CFAP97D1: variants seen among roughly 807,000 people sequenced by gnomAD.
CFAP97D1 encodes the protein sperm axonemal maintenance protein CFAP97D1.
CFAP97D1 carries 15 observed loss-of-function variants against 20.5 expected under a neutral mutation model. The observed-to-expected ratio is 0.73, with a 90% CI of 0.49 to 1.13. The LOEUF (loss-of-function observed/expected upper bound fraction) is 1.13, where lower values mean the gene tolerates loss of function less well. Among genes scored for constraint, CFAP97D1 ranks in the 50% most tolerant of loss-of-function variants. The pLI, the probability that CFAP97D1 is intolerant of heterozygous loss-of-function variation, is 0.00. For missense variants in CFAP97D1, 168 were observed against 202.9 expected (o/e 0.83, Z 1.04); for synonymous variants, 58 against 71.2 (o/e 0.82, Z 0.93).
Position 43,785,307 on chromosome 17 carries a change from T to C in CFAP97D1, c.*925T>C, listed in dbSNP as rs930794141. On this transcript the variant is annotated 3_prime_UTR_variant, in exon 6 of 6. Transcript: ENST00000449302. ...AGCAGTGTTACAGCTCCATGACTGC[T>C]CCTGCAGTACAGGGCTACCCCAAAG... 20 of 152,264 alleles carry C rather than the reference T, an allele frequency of 1.3e-4. No individual in the cohort carries two copies. The highest frequency in any genetic ancestry group is 4.6e-4 in the African/African-American group (19 of 41,468). The allele number at this position is 152,264 out of a possible 1,614,324, so 9.4% of individuals were successfully genotyped here.
In CFAP97D1 at chr17:43,787,226, C is replaced by T. The variant is rs1017260579; in HGVS notation, c.*2844C>T. On this transcript the variant is annotated 3_prime_UTR_variant, in exon 6 of 6. Transcript: ENST00000449302. Reference sequence around the variant, plus strand: ...AGGTGATCCACCTGCCTCGGCCTCCCAAAGTGCTGGGATTACAGACATGAG... The same window carrying T: ...AGGTGATCCACCTGCCTCGGCCTCCTAAAGTGCTGGGATTACAGACATGAG... 3.3e-5 allele frequency: 5 copies of T among 152,128 alleles called. No individual in the cohort carries two copies. Among genetic ancestry groups the T allele is most frequent in the African/African-American group, 1.2e-4 (5 of 41,406 alleles). 9.4% of individuals were successfully genotyped at this position (152,128 alleles called of 1,614,324 possible). A position where few individuals can be genotyped will look rare whatever the true frequency, so the allele number is the denominator to read the frequency against.
intron 3 of CFAP97D1, 78 bp downstream of exon 3, chr17:43,781,970 C>A: frequency 3.1e-6 from 3 of 970,668 alleles, no homozygotes; most frequent in Non-Finnish European, 3.2e-6. Context: ...GAGGTTTTCC[C>A]AAGTCAGAGA....
rs559190861 is a variant in CFAP97D1, at chr17:43,786,042, G to C, written c.*1660G>C. 2.6e-5 allele frequency: 4 copies of C among 152,296 alleles called. No homozygotes were observed. Among genetic ancestry groups the C allele is most frequent in the South Asian group, 2.1e-4 (1 of 4,828 alleles). The allele number at this position is 152,296 out of a possible 1,614,324, so 9.4% of individuals were successfully genotyped here. The stretch of plus-strand genomic sequence containing the variant: ...AGGCCAAAGGCTGAGAACCCACTAG[G>C]GGGGACAAGGGTGCTGGTGTGAGTC... On this transcript the variant is annotated 3_prime_UTR_variant, in exon 6 of 6. Coordinates refer to ENST00000449302, the MANE Select transcript of CFAP97D1 (RefSeq NM_001136483.3).
chr17:43,780,668 C>T, intron 1 of CFAP97D1, 82 bp downstream of exon 1: 2 of 1,465,906 alleles, frequency 1.4e-6, no homozygotes, highest in South Asian at 1.3e-5. Context: ...GAAACCAGAC[C>T]AGGTCACAGC....
intron 3 of CFAP97D1, chr17:43,782,964 G>C (rs1247375275): frequency 7.0e-6 from 4 of 570,128 alleles, no homozygotes; most frequent in South Asian, 4.2e-5. Flanking sequence ...TGGGCAACAG[G>C]GTTGAGGACC....
Position 43,784,750 on chromosome 17 carries a change from G to C in CFAP97D1, c.*368G>C, listed in dbSNP as rs535919927. 1 of 152,284 alleles carries C rather than the reference G, an allele frequency of 6.6e-6. No individual in the cohort carries two copies. Among genetic ancestry groups the C allele is most frequent in the South Asian group, 2.1e-4 (1 of 4,828 alleles). 9.4% of individuals were successfully genotyped at this position (152,284 alleles called of 1,614,324 possible). A position where few individuals can be genotyped will look rare whatever the true frequency, so the allele number is the denominator to read the frequency against. ...GTACAGCACTGTCAAAATGGAAAAC[G>C]AAATCACATGACAACATCAAGGTTC... On this transcript the variant is annotated 3_prime_UTR_variant, in exon 6 of 6. Transcript: ENST00000449302.
chr17:43,783,041 A>C (rs1258079377), intron 3 of CFAP97D1, 139 bp from the exon 4 acceptor site: 4 of 1,012,610 alleles, frequency 4.0e-6, no homozygotes, highest in Non-Finnish European at 5.8e-6. Context: ...AGGCTGTCCC[A>C]GGGGCCTGTG....
rs1038330709 is a variant in CFAP97D1, at chr17:43,784,496, T to C, written c.*114T>C. 3 of 152,222 alleles carry C rather than the reference T, an allele frequency of 2.0e-5. No individual in the cohort carries two copies. The highest frequency in any genetic ancestry group is 4.4e-5 in the Non-Finnish European group (3 of 68,054). 9.4% of individuals were successfully genotyped at this position (152,222 alleles called of 1,614,324 possible). ...CCATCTTCAGATGCTTCAATAAAGC[T>C]TGGAACATAAAATGCGTAAGTTACA... On this transcript the variant is annotated 3_prime_UTR_variant, in exon 6 of 6. Coordinates refer to ENST00000449302, the MANE Select transcript of CFAP97D1 (RefSeq NM_001136483.3).
At position 43,785,005 on chromosome 17, in the gene CFAP97D1, GA is replaced by G. The variant is rs1386311842; in HGVS notation, c.*624del. On this transcript the variant is annotated 3_prime_UTR_variant, in exon 6 of 6. Transcript: ENST00000449302. ...TGCCAAAGAGACAGACTCAATAGGA[GA>G]GAGAGAGAGAGAGAGAGAGTGAGAG... is the stretch of plus-strand genomic sequence containing the variant. The G allele has an allele frequency of 5.0e-5, 6 of 120,568 alleles. No homozygotes were observed. Among genetic ancestry groups the G allele is most frequent in the African/African-American group, 2.2e-4 (6 of 27,634 alleles). The allele number at this position is 120,568 out of a possible 1,614,324, so 7.5% of individuals were successfully genotyped here. A position where few individuals can be genotyped will look rare whatever the true frequency, so the allele number is the denominator to read the frequency against.
At chr17:43,782,994 T>C (rs1295434140) in intron 3 of CFAP97D1, 186 bp from the exon 4 acceptor site, 1 of 633,736 alleles carries the variant, frequency 1.6e-6, no homozygotes, top group Non-Finnish European at 2.7e-6. Context: ...AACCTGCGAA[T>C]GCGGTGCATG....
chr17:43,781,006 G>A, intron 1 of CFAP97D1, 113 bp from the exon 2 acceptor site: 1 of 750,970 alleles, frequency 1.3e-6, no homozygotes, highest in East Asian at 2.7e-5. Flanking sequence ...TCGCATTAAG[G>A]TCCTAATTCG....
At chr17:43,780,658 GAAAC>G in intron 1 of CFAP97D1, 72 bp downstream of exon 1, 1 of 1,513,804 alleles carries the variant, frequency 6.6e-7, no homozygotes. Context: ...AGATCAACAG[GAAAC>G]CAGACCAGGT....
Position 43,783,865 on chromosome 17 carries a change from C to T in CFAP97D1, c.467C>T (p.Thr156Met), listed in dbSNP as rs766487798. The stretch of plus-strand genomic sequence containing the variant: ...TCAAGGCGCTATATCAGAAATACCA[C>T]GAGATATCTTCTCTCCCAAAATGAA... ...QNSRRYIRNT[T>M]RYLLSQNE The change falls in exon 5 of 6, where the codon ACG becomes ATG. Residue 156 changes from threonine to methionine, a missense_variant. Coordinates refer to ENST00000449302, the MANE Select transcript of CFAP97D1 (RefSeq NM_001136483.3). 6.5e-6 allele frequency: 10 copies of T among 1,550,272 alleles called. No homozygotes were observed. The highest frequency in any genetic ancestry group is 5.9e-5 in the South Asian group (5 of 84,046).
chr17:43,781,032 C>G (rs1974467136), intron 1 of CFAP97D1, 87 bp from the exon 2 acceptor site: 1 of 1,005,254 alleles, frequency 9.9e-7, no homozygotes, highest in African/African-American at 1.6e-5. Context: ...GTTCATTAGT[C>G]AAGGACATTG....
chr17:43,786,674 C>CAAAAGA lies in CFAP97D1; in HGVS notation c.*2292_*2293insAAAAGA. On this transcript the variant is annotated 3_prime_UTR_variant, in exon 6 of 6. Transcript: ENST00000449302. ...TATCAAAAGACACTCTTATTGCCAC[C>CAAAAGA]CTTTTAGCCACAGTCACCTCAGACC... 6.6e-6 allele frequency: 1 copy of CAAAAGA among 152,144 alleles called. No homozygotes were observed. The highest frequency in any genetic ancestry group is 1.5e-5 in the Non-Finnish European group (1 of 68,042). 9.4% of individuals were successfully genotyped at this position (152,144 alleles called of 1,614,324 possible). A position where few individuals can be genotyped will look rare whatever the true frequency, so the allele number is the denominator to read the frequency against.
chr17:43,784,316 T>C (rs7215012), intron 5 of CFAP97D1, 67 bp from the exon 6 acceptor site: 16,196 of 161,296 alleles, frequency 0.1, 1,022 homozygotes, highest in African/African-American at 0.17. Context: ...AATGGACACT[T>C]AGGCGTTCCA....
chr17:43,785,635 G>A lies in CFAP97D1; in HGVS notation c.*1253G>A, dbSNP rs2044287605. On this transcript the variant is annotated 3_prime_UTR_variant, in exon 6 of 6. Coordinates refer to ENST00000449302, the MANE Select transcript of CFAP97D1 (RefSeq NM_001136483.3). ...AGACGAGGTTTCACCATCTTGGCCA[G>A]GCTGGTCTTGAACTCCTGACCTCGT... is the stretch of plus-strand genomic sequence containing the variant. 1 of 152,190 alleles carries A rather than the reference G, an allele frequency of 6.6e-6. No homozygotes were observed. The highest frequency in any genetic ancestry group is 1.5e-5 in the Non-Finnish European group (1 of 68,108). The allele number at this position is 152,190 out of a possible 1,614,324, so 9.4% of individuals were successfully genotyped here.
intron 2 of CFAP97D1, among the ~76,000 whole-genome samples, chr17:43,781,499 T>A (rs1261861404): frequency 6.6e-6 from 1 of 152,046 alleles, no homozygotes; most frequent in Non-Finnish European, 1.5e-5. Flanking sequence ...CCCAGCTAAT[T>A]TTTCATATTT....
At position 43,784,869 on chromosome 17, in the gene CFAP97D1, T is replaced by A. The variant is rs929923925; in HGVS notation, c.*487T>A. 1 of 152,110 alleles carries A rather than the reference T, an allele frequency of 6.6e-6. No homozygotes were observed. The highest frequency in any genetic ancestry group is 6.5e-5 in the Admixed American group (1 of 15,268). 9.4% of individuals were successfully genotyped at this position (152,110 alleles called of 1,614,324 possible). A position where few individuals can be genotyped will look rare whatever the true frequency, so the allele number is the denominator to read the frequency against. The stretch of plus-strand genomic sequence containing the variant: ...TGAAGTTTCCATGGACTCTGTTCAT[T>A]TATAGGGAGCAGCAGCAGTGAAAAT... On this transcript the variant is annotated 3_prime_UTR_variant, in exon 6 of 6. Transcript: ENST00000449302.
Sources: allele counts gnomAD v4.1 joint callset (sites outside exome capture counted in the v4.1 genomes callset), GRCh38; gene constraint gnomAD v4.1.1; transcripts MANE v1.5; gene names NCBI Gene and HGNC (gene_info 2026-07-23, HGNC 2026-07-21).